Variants in MSH3 observed in about 807,000 individuals in gnomAD.
MSH3 encodes the protein mutS homolog 3, also known as DNA mismatch repair protein Msh3.
MSH3 carries 106 observed loss-of-function variants against 123.3 expected under a neutral mutation model. The ratio of observed to expected loss-of-function variants is 0.86; its 90% CI spans 0.73 to 1.01. The LOEUF (loss-of-function observed/expected upper bound fraction) is 1.01. Ranked by LOEUF, MSH3 falls within the 50% of genes least tolerant of loss-of-function variation. The pLI is 0.00. For missense variants in MSH3, 1,459 were observed against 1,347.6 expected (o/e 1.08, Z -1.29); for synonymous variants, 515 against 481.4 (o/e 1.07, Z -0.91).
intron 8 of MSH3, among the ~76,000 whole-genome samples, chr5:80,707,341 G>A (rs1483027209): frequency 1.3e-5 from 2 of 152,298 alleles, no homozygotes; most frequent in East Asian, 3.9e-4. Context: ...TTGTGTACTA[G>A]TCTTCTCACA....
At chr5:80,713,012 A>G (rs1324304835) in intron 8 of MSH3, among the ~76,000 whole-genome samples, 1 of 152,180 alleles carries the variant, frequency 6.6e-6, no homozygotes, top group African/African-American at 2.4e-5. Context: ...GGAACTCATC[A>G]GTGCTATTAT....
intron 8 of MSH3, among the ~76,000 whole-genome samples, chr5:80,691,886 CGTGTATATGTTTATATAGATAAACATGTA>C (rs1381819664): frequency 2.2e-4 from 30 of 134,476 alleles, no homozygotes; most frequent in Non-Finnish European, 4.0e-4. Context: ...TATAGATAAA[CGTGTATATGTTTATATAGATAAACATGTA>C]TATGTTTATA....
chr5:80,805,858 A>G (rs1487956422), intron 19 of MSH3, among the ~76,000 whole-genome samples: 1 of 152,050 alleles, frequency 6.6e-6, no homozygotes. Flanking sequence ...AACTGCTGGG[A>G]TTACAGGCGT....
chr5:80,862,881 G>T (rs1746037421), intron 21 of MSH3, among the ~76,000 whole-genome samples: 1 of 152,164 alleles, frequency 6.6e-6, no homozygotes, highest in Non-Finnish European at 1.5e-5. Flanking sequence ...AATGTAGGAA[G>T]AATTTTTTAA....
rs577474156 is a variant in MSH3, at chr5:80,842,191, G to A, written c.2814-11939G>A. Among the ~76,000 whole-genome samples, 53 of 152,256 alleles carry A rather than the reference G, an allele frequency of 3.5e-4. No individual in the cohort carries two copies. The South Asian group carries it at 6.8e-3, about 20-fold the overall frequency. ...CTTTCCCCATTGCTTGTTTTGTCAG[G>A]TTTGTCAAAGATCAGATGGTTGTAG... On this transcript the variant is annotated intron_variant, in intron 20 of 23. Coordinates refer to ENST00000265081, the MANE Select transcript of MSH3 (RefSeq NM_002439.5).
chr5:80,769,488 T>G (rs1302223407), intron 15 of MSH3, among the ~76,000 whole-genome samples: 1 of 152,046 alleles, frequency 6.6e-6, no homozygotes, highest in Non-Finnish European at 1.5e-5. Context: ...TCCATAAAAT[T>G]ATGGTACTGT....
At chr5:80,818,981 G>T (rs927608553) in intron 20 of MSH3, among the ~76,000 whole-genome samples, 1 of 152,166 alleles carries the variant, frequency 6.6e-6, no homozygotes, top group Non-Finnish European at 1.5e-5. Flanking sequence ...TATGAAATCA[G>T]TGCATTGAAT....
chr5:80,735,561 C>T (rs565106154), intron 10 of MSH3, among the ~76,000 whole-genome samples: 1 of 151,612 alleles, frequency 6.6e-6, no homozygotes, highest in African/African-American at 2.4e-5. Flanking sequence ...GTGGCGGGCA[C>T]CTGTAGTCCC....
intron 19 of MSH3, among the ~76,000 whole-genome samples, chr5:80,798,879 A>C (rs1202242068): frequency 6.6e-6 from 1 of 152,100 alleles, no homozygotes; most frequent in African/African-American, 2.4e-5. Context: ...CCAACAAAAC[A>C]CTGCCTCTTC....
chr5:80,732,040 A>G (rs1743421413), intron 10 of MSH3, among the ~76,000 whole-genome samples: 1 of 152,190 alleles, frequency 6.6e-6, no homozygotes, highest in South Asian at 2.1e-4. Context: ...AAAATATACC[A>G]TTTCAGAAAT....
intron 20 of MSH3, among the ~76,000 whole-genome samples, chr5:80,853,218 T>C (rs1333106783): frequency 2.0e-5 from 3 of 152,184 alleles, no homozygotes; most frequent in Non-Finnish European, 4.4e-5. Flanking sequence ...ATGCCTGTAA[T>C]CCCAGCACTT....
intron 15 of MSH3, among the ~76,000 whole-genome samples, chr5:80,770,711 A>T (rs1744200829): frequency 6.6e-6 from 1 of 152,194 alleles, no homozygotes; most frequent in African/African-American, 2.4e-5. Context: ...CCAAATATTA[A>T]CACAAAGATT....
chr5:80,663,422 C>T (rs996449922), intron 2 of MSH3, among the ~76,000 whole-genome samples: 3 of 152,024 alleles, frequency 2.0e-5, no homozygotes, highest in African/African-American at 7.2e-5. Context: ...TTTCCCCTGG[C>T]CTCTCTACTC....
intron 20 of MSH3, among the ~76,000 whole-genome samples, chr5:80,824,069 A>G (rs1327416788): frequency 6.6e-6 from 1 of 152,248 alleles, no homozygotes; most frequent in Non-Finnish European, 1.5e-5. Context: ...AGTACAGAGC[A>G]AAATGGAGTC....
rs779648151 is a variant in MSH3 at position 80,665,306 on chromosome 5, T to A, written c.522T>A (p.Leu174=). 40 of 1,613,648 alleles carry A rather than the reference T, an allele frequency of 2.5e-5. No individual in the cohort carries two copies. Among genetic ancestry groups the A allele is most frequent in the South Asian group, 1.1e-5 (1 of 91,068 alleles). The change falls in exon 3 of 24, where the codon CTT becomes CTA. Residue 174 remains leucine (L), a synonymous_variant. Transcript: ENST00000265081. ...GTACTGATTTTGATGATATCAGTCT[T>A]CTACACGCAAAGAATGCAGTTTCTT... ...PKCTDFDDIS[L]LHAKNAVSSE...
intron 15 of MSH3, among the ~76,000 whole-genome samples, chr5:80,774,070 A>G (rs2112888955): frequency 6.6e-6 from 1 of 152,242 alleles, no homozygotes; most frequent in South Asian, 2.1e-4. Flanking sequence ...GCCCGGCCTG[A>G]ATTTGGTTGC....
chr5:80,659,303 T>C (rs1749371316), intron 2 of MSH3, among the ~76,000 whole-genome samples: 1 of 152,110 alleles, frequency 6.6e-6, no homozygotes, highest in South Asian at 2.1e-4. Flanking sequence ...CGGTGGCTTT[T>C]AGGATATTCC....
intron 17 of MSH3, among the ~76,000 whole-genome samples, chr5:80,779,039 T>A (rs1744362290): frequency 6.6e-6 from 1 of 151,508 alleles, no homozygotes; most frequent in African/African-American, 2.4e-5. Flanking sequence ...TCACCGAGGC[T>A]GGAGTGCAGT....
chr5:80,832,594 C>T (rs186436826), intron 20 of MSH3, among the ~76,000 whole-genome samples: 3 of 149,956 alleles, frequency 2.0e-5, no homozygotes, highest in African/African-American at 7.4e-5. Flanking sequence ...ACTCCAGCCT[C>T]GGTGACAGAG....
Sources: gnomAD v4.1 joint callset for allele counts (sites outside exome capture counted in the v4.1 genomes callset) on GRCh38, gnomAD v4.1.1 for gene constraint, MANE v1.5 for transcripts, NCBI Gene and HGNC (gene_info 2026-07-23, HGNC 2026-07-21) for gene names.